BACE2: variants seen among roughly 807,000 people sequenced by gnomAD.
BACE2 encodes 56 kDa aspartic-like protease.
Under a neutral mutation model 46.2 loss-of-function variants are expected in BACE2, and 17 were observed. That is an observed-to-expected ratio of 0.37 (90% CI 0.25 to 0.55). The LOEUF is 0.55. Among genes scored for constraint, BACE2 ranks in the 20% least tolerant of loss-of-function variants. The pLI, the probability that BACE2 is intolerant of heterozygous loss-of-function variation, is 0.82. For synonymous variants in BACE2, 277 were observed against 295.9 expected (o/e 0.94, Z 0.66); for missense variants, 595 against 698.1 (o/e 0.85, Z 1.66).
In BACE2 at chr21:41,243,429, T is replaced by C; in HGVS notation, c.801T>C (p.Pro267=). The C allele has an allele frequency of 6.2e-7, 1 of 1,612,936 alleles. No individual in the cohort carries two copies. Among genetic ancestry groups the C allele is most frequent in the Non-Finnish European group, 8.5e-7 (1 of 1,179,364 alleles). The change falls in exon 5 of 9, where the codon CCT becomes CCC. Residue 267 remains proline (P), a synonymous_variant. Transcript: ENST00000330333. ...ATAAAGGAGACATCTGGTATACCCC[T>C]ATTAAGGAAGAGTGGTACTACCAGA... ...SLYKGDIWYT[P]IKEEWYYQIE... is the part of the protein sequence containing the mutation.
chr21:41,260,851 A>G (rs1987917276), intron 8 of BACE2, among the ~76,000 whole-genome samples: 1 of 152,214 alleles, frequency 6.6e-6, no homozygotes, highest in Non-Finnish European at 1.5e-5. Context: ...CCGTATACTT[A>G]TCACAAAACC....
In BACE2 at chr21:41,226,226, T is replaced by C. The variant is rs772583182; in HGVS notation, c.313-40T>C. 9 of 1,508,530 alleles carry C rather than the reference T, an allele frequency of 6.0e-6. No homozygotes were observed. In the South Asian group the frequency reaches 1.1e-4, roughly 18 times the overall value. 93.4% of individuals were successfully genotyped at this position (1,508,530 alleles called of 1,614,324 possible). ...AGAGTATTGCCTTATTAAAATAACT[T>C]GATGCTTTCTATTTTTTTTTTCTCC... On this transcript the variant is annotated intron_variant, in intron 1 of 8. Transcript: ENST00000330333.
Position 41,250,868 on chromosome 21 carries a change from C to T in BACE2, c.1101C>T (p.Ser367=), listed in dbSNP as rs374745515. Residue 367 remains serine (S), a synonymous_variant, in exon 7 of 9, where the codon TCC becomes TCT. Transcript: ENST00000330333. ...KISIYLRDEN[S]SRSFRITILP... Reference sequence around the variant, plus strand: ...CCATCTACCTGAGAGACGAGAACTCCAGCAGGTCATTCCGTATCACAATCC... The same window carrying T: ...CCATCTACCTGAGAGACGAGAACTCTAGCAGGTCATTCCGTATCACAATCC... 2 of 1,614,042 alleles carry T rather than the reference C, an allele frequency of 1.2e-6. No individual in the cohort carries two copies. Among genetic ancestry groups the T allele is most frequent in the African/African-American group, 2.7e-5 (2 of 74,942 alleles).
At chr21:41,196,128 A>T (rs982623529) in intron 1 of BACE2, among the ~76,000 whole-genome samples, 1 of 151,866 alleles carries the variant, frequency 6.6e-6, no homozygotes, top group Non-Finnish European at 1.5e-5. Context: ...TTACTAAAAA[A>T]AATAAAAATA....
chr21:41,168,382 A>G lies in BACE2; in HGVS notation c.119A>G (p.Asn40Ser). The change falls in exon 1 of 9, where the codon AAC (asparagine) becomes AGC (serine). Residue 40 changes from asparagine (N) to serine (S), a missense_variant. Coordinates refer to ENST00000330333, the MANE Select transcript of BACE2 (RefSeq NM_012105.5). The stretch of plus-strand genomic sequence containing the variant: ...CCCCTCCGGGTGGCCGCGGCCACGA[A>G]CCGCGTAGTTGCGCCCACCCCGGGA... ...TLPLRVAAAT[N>S]RVVAPTPGPG... The G allele has an allele frequency of 7.1e-7, 1 of 1,410,118 alleles. No homozygotes were observed. The highest frequency in any genetic ancestry group is 9.3e-7 in the Non-Finnish European group (1 of 1,078,808). The allele number at this position is 1,410,118 out of a possible 1,614,324, so 87.4% of individuals were successfully genotyped here.
intron 8 of BACE2, among the ~76,000 whole-genome samples, chr21:41,272,022 G>A (rs2088439552): frequency 6.6e-6 from 1 of 151,504 alleles, no homozygotes; most frequent in South Asian, 2.1e-4. Context: ...TGTTCTCTCA[G>A]CTTGTGTATG....
At chr21:41,206,767 G>T (rs963425973) in intron 1 of BACE2, among the ~76,000 whole-genome samples, 2 of 152,106 alleles carry the variant, frequency 1.3e-5, no homozygotes. Flanking sequence ...CCTTTAGAAA[G>T]AACTAAGATG....
intron 2 of BACE2, among the ~76,000 whole-genome samples, chr21:41,237,124 A>C (rs1230815904): frequency 6.6e-6 from 1 of 152,172 alleles, no homozygotes; most frequent in Non-Finnish European, 1.5e-5. Context: ...CCTTATCTTC[A>C]TGGTTCGGGA....
At chr21:41,273,101 G>A (rs1421131887) in intron 8 of BACE2, among the ~76,000 whole-genome samples, 1 of 152,180 alleles carries the variant, frequency 6.6e-6, no homozygotes, top group East Asian at 1.9e-4. Context: ...TCAAAGGGGA[G>A]GGAGTGTACG....
chr21:41,203,581 C>T (rs1240586450), intron 1 of BACE2, among the ~76,000 whole-genome samples: 2 of 152,008 alleles, frequency 1.3e-5, no homozygotes, highest in Non-Finnish European at 2.9e-5. Flanking sequence ...TTCCTAATAC[C>T]CATGGGGAGA....
At chr21:41,172,710 A>G (rs1443798300) in intron 1 of BACE2, among the ~76,000 whole-genome samples, 3 of 152,246 alleles carry the variant, frequency 2.0e-5, no homozygotes, top group Non-Finnish European at 2.9e-5. Flanking sequence ...TGAGCACTGT[A>G]GTGTCACACC....
intron 3 of BACE2, among the ~76,000 whole-genome samples, chr21:41,238,733 C>T (rs941371190): frequency 3.6e-5 from 5 of 140,402 alleles, no homozygotes; most frequent in Admixed American, 7.9e-5. Flanking sequence ...TATTCTCACT[C>T]ATAGGTGGGA....
intron 3 of BACE2, among the ~76,000 whole-genome samples, chr21:41,238,807 G>C (rs1431611494): frequency 1.9e-5 from 2 of 103,650 alleles, no homozygotes; most frequent in Non-Finnish European, 3.7e-5. Context: ...CTGTGGTGGG[G>C]TGGGGGGAGG....
chr21:41,178,666 G>T (rs1163890926), intron 1 of BACE2: 2 of 161,878 alleles, frequency 1.2e-5, no homozygotes, highest in Non-Finnish European at 2.7e-5. Flanking sequence ...GAGCTCAGGA[G>T]TTCAAGGCTG....
chr21:41,250,987 C>A, intron 7 of BACE2, 86 bp downstream of exon 7: 1 of 1,258,032 alleles, frequency 7.9e-7, no homozygotes, highest in South Asian at 1.3e-5. Flanking sequence ...GATGTCACAC[C>A]TGCATTAGAT....
intron 8 of BACE2, among the ~76,000 whole-genome samples, chr21:41,266,946 T>TTGTGTGTG (rs10527457): frequency 6.7e-6 from 1 of 148,266 alleles, no homozygotes; most frequent in Non-Finnish European, 1.5e-5. Context: ...CTCACAGTGT[T>TTGTGTGTG]TGTGTGTGTG....
chr21:41,265,141 A>C (rs1988034872), intron 8 of BACE2, among the ~76,000 whole-genome samples: 1 of 148,424 alleles, frequency 6.7e-6, no homozygotes, highest in Admixed American at 7.0e-5. Flanking sequence ...CCACTCCCTC[A>C]GAGGTAATCA....
At chr21:41,189,106 A>G (rs1173395510) in intron 1 of BACE2, among the ~76,000 whole-genome samples, 1 of 151,954 alleles carries the variant, frequency 6.6e-6, no homozygotes, top group Non-Finnish European at 1.5e-5. Context: ...ACTGTATATG[A>G]ACTGTTTTCT....
At position 41,257,332 on chromosome 21, in the gene BACE2, C is replaced by T. The variant is rs764523351; in HGVS notation, c.1303+6C>T. The T allele has an allele frequency of 4.1e-5, 66 of 1,612,066 alleles. No individual in the cohort carries two copies. The highest frequency in any genetic ancestry group is 1.2e-4 in the African/African-American group (9 of 74,856). ...CGCAGCGAGCCCCTGTGCAGGTGAG[C>T]GATTCTGGCATCGAACAGGGATCCC... On this transcript the variant is annotated splice_donor_region_variant and intron_variant, in intron 8 of 8. Transcript: ENST00000330333.
Sources: gnomAD v4.1 joint callset for allele counts (sites outside exome capture counted in the v4.1 genomes callset) on GRCh38, gnomAD v4.1.1 for gene constraint, MANE v1.5 for transcripts, NCBI Gene and HGNC (gene_info 2026-07-23, HGNC 2026-07-21) for gene names.